Variants in MGST2 observed in about 807,000 individuals in gnomAD.
MGST2 encodes glutathione peroxidase MGST2.
A neutral mutation model predicts 16.6 loss-of-function variants in MGST2; 9 were observed. That is an observed-to-expected ratio of 0.54 (90% CI 0.33 to 0.95). The LOEUF (loss-of-function observed/expected upper bound fraction) is 0.95. MGST2 is among the 40% of genes least tolerant of loss of function. The pLI is 0.03. For missense variants in MGST2, 159 were observed against 175.1 expected (o/e 0.91, Z 0.52); for synonymous variants, 79 against 68.0 (o/e 1.16, Z -0.79).
chr4:139,737,082 C>T (rs1450107370), intron 5 of MGST2, among the ~76,000 whole-genome samples: 1 of 152,108 alleles, frequency 6.6e-6, no homozygotes, highest in East Asian at 1.9e-4. Context: ...GCATCCATGA[C>T]TGAGGAAGGG....
chr4:139,723,679 CAGGGGAATTATTA>C (rs2110966592), intron 5 of MGST2, among the ~76,000 whole-genome samples: 1 of 152,272 alleles, frequency 6.6e-6, no homozygotes, highest in African/African-American at 2.4e-5. Flanking sequence ...TTCTGTAACA[CAGGGGAATTATTA>C]AATAATTCCC....
At chr4:139,666,120 GT>G (rs758772345) in intron 1 of MGST2, 43 bp downstream of exon 1, 2 of 850,378 alleles carry the variant, frequency 2.4e-6, no homozygotes, top group East Asian at 2.3e-4. Flanking sequence ...GTGTGTGCGT[GT>G]GTGTGTGTGT....
chr4:139,671,828 G>A (rs1247777374), intron 1 of MGST2, among the ~76,000 whole-genome samples: 1 of 152,118 alleles, frequency 6.6e-6, no homozygotes, highest in Non-Finnish European at 1.5e-5. Flanking sequence ...TTTTAGTAGA[G>A]ATGGGGTTTC....
chr4:139,712,413 C>T (rs537719541), intron 5 of MGST2, among the ~76,000 whole-genome samples: 3 of 152,330 alleles, frequency 2.0e-5, no homozygotes, highest in Admixed American at 6.5e-5. Context: ...TAATAGTTCT[C>T]GCTCCAGTTT....
intron 2 of MGST2, among the ~76,000 whole-genome samples, chr4:139,694,075 G>T (rs561626085): frequency 5.9e-5 from 9 of 152,096 alleles, no homozygotes; most frequent in Admixed American, 1.3e-4. Context: ...TTATTGGGGA[G>T]TTTTTTCCCA....
chr4:139,692,372 G>A (rs147005537), intron 2 of MGST2, among the ~76,000 whole-genome samples: 586 of 152,324 alleles, frequency 3.8e-3, no homozygotes, highest in Middle Eastern at 6.8e-3. Context: ...TGGGAATACA[G>A]GGGATGTGCC....
chr4:139,703,340 A>G (rs1025437647), intron 3 of MGST2, 115 bp from the exon 4 acceptor site: 26 of 857,144 alleles, frequency 3.0e-5, no homozygotes, highest in Non-Finnish European at 4.9e-5. Context: ...TATTCTGAAT[A>G]TAAGTATCTT....
At chr4:139,730,927 A>C (rs765988104) in intron 5 of MGST2, 86 of 541,906 alleles carry the variant, frequency 1.6e-4, no homozygotes, top group Middle Eastern at 4.9e-4. Context: ...TTCGGATGGG[A>C]CTGACTATTG....
intron 3 of MGST2, 68 bp from the exon 4 acceptor site, chr4:139,703,387 C>T (rs991987568): frequency 2.4e-5 from 30 of 1,271,794 alleles, no homozygotes; most frequent in African/African-American, 4.4e-5. Context: ...TCTCAGTCGT[C>T]GTACAACATC....
intron 5 of MGST2, among the ~76,000 whole-genome samples, chr4:139,724,385 G>A (rs795607): frequency 0.99 from 151,177 of 152,328 alleles, 75,022 homozygotes; most frequent in East Asian, 1. Flanking sequence ...ATTTCATTTT[G>A]AAAATGTTGG....
intron 5 of MGST2, among the ~76,000 whole-genome samples, chr4:139,727,854 G>C (rs942522503): frequency 1.3e-5 from 2 of 152,178 alleles, no homozygotes; most frequent in African/African-American, 4.8e-5. Flanking sequence ...TCCAAAGTGT[G>C]AGGACACTTT....
chr4:139,702,360 T>G (rs1209769366), intron 3 of MGST2, among the ~76,000 whole-genome samples: 3 of 152,156 alleles, frequency 2.0e-5, no homozygotes, highest in Admixed American at 6.5e-5. Flanking sequence ...CACTCCCAGA[T>G]GCAAGCACTT....
At chr4:139,751,413 G>A in the MGST2 span, among the ~76,000 whole-genome samples, 9 of 152,262 alleles carry the variant, frequency 5.9e-5, no homozygotes, top group Admixed American at 1.3e-4. Flanking sequence ...CATAATACAC[G>A]TTATACACAT....
At chr4:139,717,367 ATTTG>A (rs578128851) in intron 5 of MGST2, 43 of 152,076 alleles carry the variant, frequency 2.8e-4, no homozygotes, top group African/African-American at 9.2e-4. Flanking sequence ...GTGTCTTCTC[ATTTG>A]TTTGTTTGCT....
chr4:139,720,625 G>A lies in MGST2; in HGVS notation c.*48+16429G>A, dbSNP rs116818234. ...ATAGACACCCACAAAAATTGGGATCGTACTGTGCATGTGTTTTTGTAGCTG... is the reference window on the plus strand; with the variant it reads ...ATAGACACCCACAAAAATTGGGATCATACTGTGCATGTGTTTTTGTAGCTG... On this transcript the variant is annotated intron_variant, in intron 5 of 5. Transcript: ENST00000616265. Among the ~76,000 whole-genome samples, 801 of 152,274 alleles carry A rather than the reference G, an allele frequency of 5.3e-3. 5 individuals carry two copies. Among genetic ancestry groups the A allele is most frequent in the African/African-American group, 0.018 (761 of 41,564 alleles).
At chr4:139,675,003 C>T (rs1215887110) in intron 1 of MGST2, among the ~76,000 whole-genome samples, 1 of 152,132 alleles carries the variant, frequency 6.6e-6, no homozygotes, top group East Asian at 1.9e-4. Flanking sequence ...GTCCTCAGTT[C>T]CCGCTTAGCT....
chr4:139,683,208 C>T (rs990447886), intron 2 of MGST2, among the ~76,000 whole-genome samples: 2 of 152,200 alleles, frequency 1.3e-5, no homozygotes, highest in African/African-American at 4.8e-5. Flanking sequence ...CTGTCTCTGT[C>T]AGCTAGAGCC....
At chr4:139,724,569 C>T (rs1447726640) in intron 5 of MGST2, among the ~76,000 whole-genome samples, 1 of 152,134 alleles carries the variant, frequency 6.6e-6, no homozygotes, top group Non-Finnish European at 1.5e-5. Context: ...CTGCAAGAGG[C>T]TTCATAGCTT....
At chr4:139,732,461 C>A (rs1728762977) in intron 5 of MGST2, among the ~76,000 whole-genome samples, 1 of 152,116 alleles carries the variant, frequency 6.6e-6, no homozygotes, top group African/African-American at 2.4e-5. Flanking sequence ...CAAACCAAAA[C>A]GCTACTCCTC....
Sources: allele counts gnomAD v4.1 joint callset (sites outside exome capture counted in the v4.1 genomes callset), GRCh38; gene constraint gnomAD v4.1.1; transcripts MANE v1.5; gene names NCBI Gene and HGNC (gene_info 2026-07-23, HGNC 2026-07-21).